EFNA5: variants seen among roughly 807,000 people sequenced by gnomAD.
EFNA5 encodes ephrin A5.
EFNA5 carries 5 observed loss-of-function variants against 22.9 expected under a neutral mutation model. That is an observed-to-expected ratio of 0.22 (90% confidence interval 0.11 to 0.46). The LOEUF (loss-of-function observed/expected upper bound fraction) is 0.46. EFNA5 is among the 20% of genes least tolerant of loss of function. The probability of loss-of-function intolerance (pLI) is 0.99; values close to 1 mark genes in which losing one functional copy is unlikely to be tolerated. For missense variants in EFNA5, 237 were observed against 293.3 expected (o/e 0.81, Z 1.40); for synonymous variants, 113 against 112.2 (o/e 1.01, Z -0.04).
At position 107,511,459 on chromosome 5, in the gene EFNA5, A is replaced by G. The variant is rs560501809; in HGVS notation, c.126-83950T>C. ...TAGAATATAGTAGTAGTGGTAGTCAAGCATGAAACTGGTAGAGAAACAAAA... is the reference window on the plus strand; with the variant it reads ...TAGAATATAGTAGTAGTGGTAGTCAGGCATGAAACTGGTAGAGAAACAAAA... On this transcript the variant is annotated intron_variant, in intron 1 of 4. Coordinates refer to ENST00000333274, the MANE Select transcript of EFNA5 (RefSeq NM_001962.3). 2.0e-5 allele frequency among the ~76,000 whole-genome samples: 3 copies of G among 152,366 alleles called. No individual in the cohort carries two copies. In the South Asian group the frequency reaches 6.2e-4, roughly 32 times the overall value.
intron 2 of EFNA5, among the ~76,000 whole-genome samples, chr5:107,401,883 C>A (rs1748095932): frequency 6.6e-6 from 1 of 152,152 alleles, no homozygotes; most frequent in Non-Finnish European, 1.5e-5. Context: ...GAATATGGAA[C>A]AGATGGAGCC....
At chr5:107,669,333 C>G (rs1381498206) in intron 1 of EFNA5, among the ~76,000 whole-genome samples, 1 of 152,078 alleles carries the variant, frequency 6.6e-6, no homozygotes, top group Non-Finnish European at 1.5e-5. Flanking sequence ...AAACCTGTGA[C>G]TTTAGATGCA....
At chr5:107,480,688 C>G (rs28024) in intron 1 of EFNA5, among the ~76,000 whole-genome samples, 20,394 of 152,112 alleles carry the variant, frequency 0.13, 2,230 homozygotes, top group East Asian at 0.31. Flanking sequence ...ACAGAGCTCT[C>G]CATGAGCAGG....
intron 1 of EFNA5, among the ~76,000 whole-genome samples, chr5:107,491,026 T>C (rs926841710): frequency 1.3e-5 from 2 of 152,252 alleles, no homozygotes; most frequent in African/African-American, 4.8e-5. Context: ...GAACACATTT[T>C]ACATTTATTC....
chr5:107,399,995 G>A (rs538299431), intron 2 of EFNA5, among the ~76,000 whole-genome samples: 8 of 152,124 alleles, frequency 5.3e-5, no homozygotes, highest in Middle Eastern at 3.2e-3. Flanking sequence ...TATAATTTAC[G>A]TGTACAGTTT....
chr5:107,650,838 T>A (rs1338467034), intron 1 of EFNA5, among the ~76,000 whole-genome samples: 1 of 152,126 alleles, frequency 6.6e-6, no homozygotes, highest in Non-Finnish European at 1.5e-5. Context: ...GGTATGTGAA[T>A]CCCTAGCAAT....
intron 1 of EFNA5, among the ~76,000 whole-genome samples, chr5:107,592,229 A>G (rs1749385400): frequency 6.7e-6 from 1 of 148,896 alleles, no homozygotes; most frequent in African/African-American, 2.5e-5. Flanking sequence ...TACTTTTTGT[A>G]CTATAAATTT....
chr5:107,631,377 CAT>C (rs143038359), intron 1 of EFNA5, among the ~76,000 whole-genome samples: 5,937 of 147,506 alleles, frequency 0.04, 396 homozygotes, highest in African/African-American at 0.14. Context: ...TACACATGTA[CAT>C]ATATATATAT....
At chr5:107,442,929 T>TAA (rs544741414) in intron 1 of EFNA5, among the ~76,000 whole-genome samples, 100 of 82,316 alleles carry the variant, frequency 1.2e-3, no homozygotes, top group African/African-American at 2.8e-3. Context: ...CCCCAGGTAC[T>TAA]AAAAAAAAAA....
chr5:107,569,354 A>AAT (rs1391366341), intron 1 of EFNA5, among the ~76,000 whole-genome samples: 2 of 127,328 alleles, frequency 1.6e-5, no homozygotes, highest in Non-Finnish European at 3.0e-5. Flanking sequence ...CTACCCTTAA[A>AAT]ATATATATAC....
chr5:107,437,112 T>A (rs1749130527), intron 1 of EFNA5, among the ~76,000 whole-genome samples: 1 of 152,164 alleles, frequency 6.6e-6, no homozygotes, highest in African/African-American at 2.4e-5. Flanking sequence ...CCCACACTTT[T>A]AAAAAATTGA....
intron 2 of EFNA5, among the ~76,000 whole-genome samples, chr5:107,411,731 G>T (rs983442279): frequency 4.6e-5 from 7 of 152,058 alleles, no homozygotes; most frequent in East Asian, 1.9e-4. Context: ...CCAACTATAG[G>T]CATGGCCATC....
At chr5:107,494,579 C>A (rs545579319) in intron 1 of EFNA5, among the ~76,000 whole-genome samples, 10 of 152,360 alleles carry the variant, frequency 6.6e-5, no homozygotes, top group Admixed American at 6.5e-4. Context: ...CTGAGGAGTG[C>A]AGGCACACGG....
chr5:107,608,369 G>T (rs532931918), intron 1 of EFNA5, among the ~76,000 whole-genome samples: 2 of 152,260 alleles, frequency 1.3e-5, no homozygotes, highest in South Asian at 2.1e-4. Context: ...TTCCCATGCT[G>T]TGGTCCACAG....
chr5:107,501,780 T>C (rs1200867244), intron 1 of EFNA5, among the ~76,000 whole-genome samples: 2 of 152,240 alleles, frequency 1.3e-5, no homozygotes, highest in Admixed American at 1.3e-4. Context: ...AATGCTGATT[T>C]TGTACGTGAA....
At chr5:107,431,498 G>A (rs112032674) in intron 1 of EFNA5, among the ~76,000 whole-genome samples, 96 of 152,184 alleles carry the variant, frequency 6.3e-4, no homozygotes, top group African/African-American at 2.2e-3. Flanking sequence ...ACGATGCCAC[G>A]GAATAGCCAC....
intron 1 of EFNA5, among the ~76,000 whole-genome samples, chr5:107,578,444 G>A (rs1748971181): frequency 6.6e-6 from 1 of 152,086 alleles, no homozygotes; most frequent in Non-Finnish European, 1.5e-5. Flanking sequence ...CCCAAGAGGG[G>A]GCCACACGAG....
intron 1 of EFNA5, among the ~76,000 whole-genome samples, chr5:107,586,773 CT>C (rs1348076280): frequency 1.3e-5 from 2 of 152,252 alleles, no homozygotes; most frequent in African/African-American, 4.8e-5. Context: ...AAGAACACTC[CT>C]TCAAAATGGG....
intron 2 of EFNA5, among the ~76,000 whole-genome samples, chr5:107,388,317 T>C (rs1399281324): frequency 6.6e-6 from 1 of 152,162 alleles, no homozygotes; most frequent in Non-Finnish European, 1.5e-5. Context: ...CAATTAGAGG[T>C]TTTACTCAGA....
Sources: gnomAD v4.1 joint callset for allele counts (sites outside exome capture counted in the v4.1 genomes callset) on GRCh38, gnomAD v4.1.1 for gene constraint, MANE v1.5 for transcripts, NCBI Gene and HGNC (gene_info 2026-07-23, HGNC 2026-07-21) for gene names.